The following NF1 variants were observed in gnomAD, a reference collection of about 807,000 sequenced individuals.
NF1 encodes neurofibromin.
A neutral mutation model predicts 325.7 loss-of-function variants in NF1; 122 were observed. The observed-to-expected ratio is 0.37, with a 90% CI of 0.32 to 0.44. NF1 has a LOEUF of 0.44. Among genes scored for constraint, NF1 ranks in the 20% least tolerant of loss-of-function variants. NF1 has a pLI of 1.00. For synonymous variants in NF1, 1,091 were observed against 1,186.0 expected (o/e 0.92, Z 1.65); for missense variants, 2,140 against 3,415.4 (o/e 0.63, Z 9.31).
chr17:31,302,813 C>T (rs1295357433), intron 36 of NF1, among the ~76,000 whole-genome samples: 1 of 152,094 alleles, frequency 6.6e-6, no homozygotes, highest in African/African-American at 2.4e-5. Context: ...CCACTGCACT[C>T]CAGCGTGGGC....
chr17:31,252,581 T>C (rs558434366), intron 30 of NF1: 1 of 259,630 alleles, frequency 3.9e-6, no homozygotes, highest in South Asian at 9.5e-5. Flanking sequence ...TAGTGTGTGA[T>C]CTACTTGTAA....
intron 38 of NF1, among the ~76,000 whole-genome samples, chr17:31,328,933 C>G (rs2069413788): frequency 6.6e-6 from 1 of 152,054 alleles, no homozygotes; most frequent in Admixed American, 6.6e-5. Flanking sequence ...TGAGGAAGTC[C>G]AATTCTTTAT....
intron 36 of NF1, among the ~76,000 whole-genome samples, chr17:31,294,170 TCTC>T (rs2068410948): frequency 6.6e-6 from 1 of 152,236 alleles, no homozygotes; most frequent in African/African-American, 2.4e-5. Context: ...TAAATTTTCT[TCTC>T]CTTCATGTAG....
At position 31,295,326 on chromosome 17, in the gene NF1, C is replaced by T. The variant is rs756588997; in HGVS notation, c.4835+29987C>T. 57 of 1,613,948 alleles carry T rather than the reference C, an allele frequency of 3.5e-5. No individual in the cohort carries two copies. The highest frequency in any genetic ancestry group is 4.4e-5 in the Non-Finnish European group (52 of 1,180,016). On this transcript the variant is annotated intron_variant, in intron 36 of 57. Coordinates refer to ENST00000358273, the MANE Select transcript of NF1 (RefSeq NM_001042492.3). ...TTGATAGTCTCTGTGGATGTATCTTCTGGATAGGGCACAAAAGCCTTATCA... is the reference window on the plus strand; with the variant it reads ...TTGATAGTCTCTGTGGATGTATCTTTTGGATAGGGCACAAAAGCCTTATCA...
chr17:31,276,008 G>A (rs972269852), intron 36 of NF1, among the ~76,000 whole-genome samples: 109 of 151,998 alleles, frequency 7.2e-4, no homozygotes, highest in Non-Finnish European at 4.9e-4. Context: ...AGGAGATGGA[G>A]ACCATCCTGG....
chr17:31,260,573 C>CAATT (rs1165996471), intron 34 of NF1, 58 bp downstream of exon 34: 8 of 1,579,308 alleles, frequency 5.1e-6, no homozygotes, highest in Non-Finnish European at 6.9e-6. Context: ...TAGATTAATA[C>CAATT]AATTATTGGT....
intron 36 of NF1, among the ~76,000 whole-genome samples, chr17:31,320,201 A>G (rs759474689): frequency 2.0e-5 from 3 of 152,126 alleles, no homozygotes; most frequent in Admixed American, 1.3e-4. Flanking sequence ...TGAAAGGAGT[A>G]TTTTATTGTT....
intron 36 of NF1, among the ~76,000 whole-genome samples, chr17:31,294,285 T>C (rs1209239167): frequency 6.6e-6 from 1 of 152,210 alleles, no homozygotes; most frequent in Non-Finnish European, 1.5e-5. Flanking sequence ...TCATTATGTT[T>C]TTAACACTTT....
intron 4 of NF1, among the ~76,000 whole-genome samples, chr17:31,167,933 C>T (rs1009856546): frequency 6.6e-6 from 1 of 152,178 alleles, no homozygotes. Context: ...TACATAAATA[C>T]ATGTACAAAC....
At chr17:31,131,180 A>T (rs1276312752) in intron 1 of NF1, among the ~76,000 whole-genome samples, 5 of 152,154 alleles carry the variant, frequency 3.3e-5, no homozygotes, top group African/African-American at 1.2e-4. Context: ...GCCCTGTTGC[A>T]CTACAGATGC....
Position 31,258,442 on chromosome 17 carries a change from A to T in NF1, c.4272A>T (p.Ala1424=), listed in dbSNP as rs753182376. 4.3e-6 allele frequency: 7 copies of T among 1,614,020 alleles called. No homozygotes were observed. In the South Asian group the frequency reaches 7.7e-5, roughly 18 times the overall value. ...CTGCCATTGTCTCACCGTATGAAGC[A>T]GGGATTTTAGATAAAAAGCCACCAC... is the stretch of plus-strand genomic sequence containing the variant. ...INPAIVSPYE[A]GILDKKPPPR... Residue 1424 remains alanine, a synonymous_variant, in exon 32 of 58, where the codon GCA becomes GCT. Transcript: ENST00000358273.
chr17:31,322,125 A>ACACC, intron 36 of NF1, among the ~76,000 whole-genome samples: 1 of 137,916 alleles, frequency 7.3e-6, no homozygotes, highest in African/African-American at 2.5e-5. Flanking sequence ...ACACACACAC[A>ACACC]CACAACTGTC....
chr17:31,314,266 G>A (rs1360004546), intron 36 of NF1: 2 of 335,144 alleles, frequency 6.0e-6, no homozygotes, highest in Admixed American at 9.6e-5. Flanking sequence ...AAATATTTGA[G>A]ATACTCTAGT....
chr17:31,207,259 A>G (rs1341853965), intron 12 of NF1, among the ~76,000 whole-genome samples: 3 of 152,062 alleles, frequency 2.0e-5, no homozygotes, highest in Non-Finnish European at 4.4e-5. Context: ...TTCTGTGTAT[A>G]GTTACCATTA....
intron 15 of NF1, chr17:31,222,466 T>C (rs2066941989): frequency 1.9e-6 from 2 of 1,031,106 alleles, no homozygotes; most frequent in South Asian, 9.2e-5. Flanking sequence ...CGGAGGAAAA[T>C]GTAAATGTGT....
intron 51 of NF1, among the ~76,000 whole-genome samples, chr17:31,352,885 C>T (rs564547143): frequency 5.3e-5 from 8 of 152,132 alleles, no homozygotes; most frequent in South Asian, 4.2e-4. Flanking sequence ...TCTCAATTAC[C>T]GAAAGAAAAT....
At chr17:31,212,704 G>A (rs1420622995) in intron 12 of NF1, among the ~76,000 whole-genome samples, 4 of 151,956 alleles carry the variant, frequency 2.6e-5, no homozygotes. Context: ...AGTGAGACTT[G>A]GTCTCAAAAT....
chr17:31,300,453 G>C (rs1052251962), intron 36 of NF1, among the ~76,000 whole-genome samples: 1 of 151,990 alleles, frequency 6.6e-6, no homozygotes, highest in Non-Finnish European at 1.5e-5. Context: ...TGTATCTTGA[G>C]TATCACTCCA....
At chr17:31,275,176 C>T (rs1431291596) in intron 36 of NF1, among the ~76,000 whole-genome samples, 1 of 152,202 alleles carries the variant, frequency 6.6e-6, no homozygotes, top group Non-Finnish European at 1.5e-5. Context: ...CCAACTTGCC[C>T]AAAGTGTAAT....
Sources: gnomAD v4.1 joint callset for allele counts (sites outside exome capture counted in the v4.1 genomes callset) on GRCh38, gnomAD v4.1.1 for gene constraint, MANE v1.5 for transcripts, NCBI Gene and HGNC (gene_info 2026-07-23, HGNC 2026-07-21) for gene names.